Variants in PSCA observed in about 807,000 individuals in gnomAD.
The protein encoded by PSCA is prostate stem cell antigen.
In PSCA, 7 loss-of-function variants were observed where a neutral mutation model predicts 7.9. The observed-to-expected ratio is 0.89, with a 90% CI of 0.51 to 1.67. PSCA has a LOEUF of 1.67. PSCA is among the 40% of genes most tolerant of loss of function. The pLI is 0.00. For synonymous variants in PSCA, 61 were observed against 68.3 expected (o/e 0.89, Z 0.53); for missense variants, 151 against 147.9 (o/e 1.02, Z -0.11).
At chr8:142,680,971 C>T (rs1554638250) in intron 1 of PSCA, 3 of 441,418 alleles carry the variant, frequency 6.8e-6, no homozygotes, top group African/African-American at 2.0e-5. Context: ...TGCGAGGACC[C>T]GGGGGTCTAC....
At position 142,673,449 on chromosome 8, in the gene PSCA, A is replaced by AAAAT. The variant is rs1847359145; in HGVS notation, n.261+2883_261+2886dup. ...TGGGAGGGGTCAGAAAGAGAGGAAGAAAATACACTAGCGTGTAATCACCCA... is the reference window on the plus strand; with the variant it reads ...TGGGAGGGGTCAGAAAGAGAGGAAGAAAATAAATACACTAGCGTGTAATCACCCA... On this transcript the variant is annotated intron_variant and non_coding_transcript_variant, in intron 1 of 1. Transcript: ENST00000505305. This position sits in a 1 kb window ranked among gnomAD's most constrained non-coding sequence, Gnocchi z 4.6. Among the ~76,000 whole-genome samples the AAAAT allele has an allele frequency of 6.6e-6, 1 of 152,234 alleles. No homozygotes were observed. Among genetic ancestry groups the AAAAT allele is most frequent in the Non-Finnish European group, 1.5e-5 (1 of 68,040 alleles).
chr8:142,677,291 C>T (rs587755712), upstream of PSCA, among the ~76,000 whole-genome samples: 6 of 152,284 alleles, frequency 3.9e-5, no homozygotes, highest in South Asian at 8.3e-4. Context: ...CTCAGTGCGG[C>T]GGATGCTGGG....
At chr8:142,674,970 G>A (rs1210047571) in intron 1 of PSCA, among the ~76,000 whole-genome samples, 3 of 152,250 alleles carry the variant, frequency 2.0e-5, no homozygotes, top group Non-Finnish European at 4.4e-5. Context: ...AAGCCCATGG[G>A]TCATCCCCCG....
chr8:142,680,307 G>A (rs1847446415), upstream of PSCA: 1 of 580,550 alleles, frequency 1.7e-6, no homozygotes. Flanking sequence ...GCCCTGGGTA[G>A]GCTCTGTCCT....
chr8:142,675,660 C>T (rs1053438378), upstream of PSCA, among the ~76,000 whole-genome samples: 1 of 152,160 alleles, frequency 6.6e-6, no homozygotes, highest in Non-Finnish European at 1.5e-5. Flanking sequence ...CATCCTCTCT[C>T]ACACTCTCAC....
In PSCA at chr8:142,682,275, C is replaced by G. The variant is rs1442288595; in HGVS notation, c.*143C>G. The G allele has an allele frequency of 2.0e-5, 20 of 1,016,994 alleles. No individual in the cohort carries two copies. Among genetic ancestry groups the G allele is most frequent in the African/African-American group, 9.5e-5 (6 of 63,284 alleles). The allele number at this position is 1,016,994 out of a possible 1,614,324, so 63.0% of individuals were successfully genotyped here. On this transcript the variant is annotated 3_prime_UTR_variant, in exon 3 of 3. Transcript: ENST00000301258. ...AAGTCTGACCATGTATGTCTGCGCC[C>G]CTGTCCCCCACCCTGACCCTCCCAT...
intron 1 of PSCA, among the ~76,000 whole-genome samples, chr8:142,672,655 A>C (rs1847347600): frequency 1.3e-5 from 2 of 152,222 alleles, no homozygotes; most frequent in Non-Finnish European, 2.9e-5. Context: ...ATTGTCTCAC[A>C]CCAAGAAGAT....
At chr8:142,671,843 G>A (rs782804507) in intron 1 of PSCA, among the ~76,000 whole-genome samples, 1 of 152,156 alleles carries the variant, frequency 6.6e-6, no homozygotes, top group Admixed American at 6.5e-5. Flanking sequence ...CTCATCCTTA[G>A]GTCCGTTGTT....
intron 1 of PSCA, among the ~76,000 whole-genome samples, chr8:142,675,006 G>A (rs1024634629): frequency 6.6e-6 from 1 of 152,272 alleles, no homozygotes; most frequent in Non-Finnish European, 1.5e-5. Flanking sequence ...CTGCCTGGAG[G>A]TGGGCTTGTA....
chr8:142,674,149 AAT>A (rs1847368579), intron 1 of PSCA, among the ~76,000 whole-genome samples: 6 of 146,616 alleles, frequency 4.1e-5, no homozygotes, highest in African/African-American at 1.3e-4. Flanking sequence ...CCATCTTCCT[AAT>A]GAATAACGGC....
chr8:142,670,762 C>T (rs1847308391), intron 1 of PSCA, among the ~76,000 whole-genome samples: 1 of 152,124 alleles, frequency 6.6e-6, no homozygotes, highest in African/African-American at 2.4e-5. Flanking sequence ...ACTTACATGG[C>T]AAAAGGGACT....
Position 142,682,126 on chromosome 8 carries a change from G to A in PSCA, c.339G>A (p.Gln113=), listed in dbSNP as rs782567116. The A allele has an allele frequency of 5.0e-6, 8 of 1,599,524 alleles. No individual in the cohort carries two copies. Among genetic ancestry groups the A allele is most frequent in the Non-Finnish European group, 5.9e-6 (7 of 1,178,800 alleles). ...ALGLLLWGPG[Q]L ...GCCTGCTGCTCTGGGGACCCGGCCA[G>A]CTCTAGGCTCTGGGGGGCCCCGCTG... is the stretch of plus-strand genomic sequence containing the variant. Residue 113 remains glutamine (Q), a synonymous_variant, in exon 3 of 3, where the codon CAG becomes CAA. Transcript: ENST00000301258.
chr8:142,671,194 T>C (rs1317560712), intron 1 of PSCA, among the ~76,000 whole-genome samples: 2 of 152,192 alleles, frequency 1.3e-5, no homozygotes, highest in Non-Finnish European at 2.9e-5. Context: ...TCAGGGGTTC[T>C]TGTGGGAGTT....
intron 1 of PSCA, among the ~76,000 whole-genome samples, chr8:142,674,612 C>T (rs1473987905): frequency 6.6e-6 from 1 of 152,252 alleles, no homozygotes; most frequent in African/African-American, 2.4e-5. Context: ...TCACCATTTT[C>T]TCACTGTTAA....
rs920486034 is a variant in PSCA at position 142,673,097 on chromosome 8, T to A, written n.261+2529T>A. ...CGTGCAAGCTTCCAGCTTGCTTGTC[T>A]TATGTTTGCGGCTCGATTTTACAGG... On this transcript the variant is annotated intron_variant and non_coding_transcript_variant, in intron 1 of 1. Transcript: ENST00000505305. The surrounding 1 kb of genome is among the most constrained non-coding windows in gnomAD (Gnocchi z 4.6). 1.3e-4 allele frequency among the ~76,000 whole-genome samples: 20 copies of A among 152,230 alleles called. No homozygotes were observed. Among genetic ancestry groups the A allele is most frequent in the African/African-American group, 4.8e-4 (20 of 41,468 alleles).
intron 1 of PSCA, among the ~76,000 whole-genome samples, chr8:142,672,078 G>A (rs1847339678): frequency 6.6e-6 from 1 of 151,844 alleles, no homozygotes; most frequent in Non-Finnish European, 1.5e-5. Flanking sequence ...ACTCCTATGT[G>A]CTAGCCAATG....
upstream of PSCA, among the ~76,000 whole-genome samples, chr8:142,679,802 G>A (rs753647974): frequency 7.2e-5 from 11 of 152,318 alleles, no homozygotes; most frequent in Non-Finnish European, 1.5e-4. Context: ...GATGGTAAAT[G>A]TTTCTCATCA....
chr8:142,672,975 A>C (rs1847353257), intron 1 of PSCA, among the ~76,000 whole-genome samples: 1 of 152,200 alleles, frequency 6.6e-6, no homozygotes, highest in Non-Finnish European at 1.5e-5. Context: ...CTTGCTGTAC[A>C]CATGGCTGGC....
rs1814674482 is a variant in PSCA, at chr8:142,682,584, G to C, written c.*452G>C. 5.4e-6 allele frequency: 2 copies of C among 371,940 alleles called. No individual in the cohort carries two copies. The highest frequency in any genetic ancestry group is 5.4e-6 in the Non-Finnish European group (1 of 184,798). 23.0% of individuals were successfully genotyped at this position (371,940 alleles called of 1,614,324 possible). A position where few individuals can be genotyped will look rare whatever the true frequency, so the allele number is the denominator to read the frequency against. On this transcript the variant is annotated 3_prime_UTR_variant, in exon 3 of 3. Transcript: ENST00000301258. The stretch of plus-strand genomic sequence containing the variant: ...TGGACTGAGTAGAACTGGAGGACAG[G>C]AGTCGACGTGAGTTCCTGGGAGTCT...
Sources: allele counts gnomAD v4.1 joint callset (sites outside exome capture counted in the v4.1 genomes callset), GRCh38; gene constraint gnomAD v4.1.1; non-coding constraint Gnocchi (gnomAD v3.1); transcripts MANE v1.5; gene names NCBI Gene and HGNC (gene_info 2026-07-23, HGNC 2026-07-21).